F10: variants seen among roughly 807,000 people sequenced by gnomAD.
F10 encodes Stuart-Prower factor.
Under a neutral mutation model 37.1 loss-of-function variants are expected in F10, and 29 were observed. The ratio of observed to expected loss-of-function variants is 0.78; its 90% CI spans 0.58 to 1.07. The LOEUF is 1.07. F10 is among the 50% of genes least tolerant of loss of function. The pLI is 0.00. For synonymous variants in F10, 262 were observed against 268.6 expected (o/e 0.98, Z 0.24); for missense variants, 539 against 667.9 (o/e 0.81, Z 2.13).
rs369737152 is a variant in F10, at chr13:113,148,582, G to A, written c.866-334G>A. ...TACACTCTCAGCCAGCGGCCACACCGCACAACCTGGGTCTGGGATGCCAAA... is the reference window on the plus strand; with the variant it reads ...TACACTCTCAGCCAGCGGCCACACCACACAACCTGGGTCTGGGATGCCAAA... On this transcript the variant is annotated intron_variant, in intron 7 of 7. Coordinates refer to ENST00000375559, the MANE Select transcript of F10 (RefSeq NM_000504.4). Among the ~76,000 whole-genome samples, 220 of 151,984 alleles carry A rather than the reference G, an allele frequency of 1.4e-3. 1 individual carries two copies. Among genetic ancestry groups the A allele is most frequent in the African/African-American group, 2.7e-3 (112 of 41,462 alleles).
intron 2 of F10, chr13:113,130,274 A>T (rs776906): frequency 1.3e-5 from 2 of 155,498 alleles, no homozygotes; most frequent in African/African-American, 4.8e-5. Context: ...GGAGGAGAGC[A>T]ATGCCACCAG....
chr13:113,126,945 TC>T (rs1397452879), intron 1 of F10, among the ~76,000 whole-genome samples: 1 of 152,166 alleles, frequency 6.6e-6, no homozygotes, highest in Non-Finnish European at 1.5e-5. Context: ...GGGCTGCATT[TC>T]AGAGCAAGTG....
chr13:113,140,327 C>T (rs979155874), intron 4 of F10, among the ~76,000 whole-genome samples: 2 of 152,008 alleles, frequency 1.3e-5, no homozygotes, highest in African/African-American at 4.8e-5. Flanking sequence ...GTGATCCGCC[C>T]GCTTCGACCT....
intron 4 of F10, chr13:113,140,523 G>A (rs1483937607): frequency 6.2e-6 from 3 of 480,496 alleles, no homozygotes; most frequent in Non-Finnish European, 1.3e-5. Flanking sequence ...GCATAACCCT[G>A]TTCAGGCTCC....
At chr13:113,135,031 G>A (rs757418512) in intron 2 of F10, among the ~76,000 whole-genome samples, 12 of 151,840 alleles carry the variant, frequency 7.9e-5, no homozygotes, top group Admixed American at 2.6e-4. Context: ...ACCTAAGGTC[G>A]GGAGTTCGAG....
In F10 at chr13:113,141,143, C is replaced by T; in HGVS notation, c.502+93C>T. ...CAGGGGGTGGGGACACAGGCATGTT[C>T]TGGGCGGGCCTGGCAGGTAACAGTG... On this transcript the variant is annotated intron_variant, in intron 5 of 7. Coordinates refer to ENST00000375559, the MANE Select transcript of F10 (RefSeq NM_000504.4). The surrounding 1 kb of genome is among the most constrained non-coding windows in gnomAD (Gnocchi z 5.4). 2 of 1,556,006 alleles carry T rather than the reference C, an allele frequency of 1.3e-6. No homozygotes were observed. Among genetic ancestry groups the T allele is most frequent in the Admixed American group, 1.8e-5 (1 of 55,604 alleles).
chr13:113,131,932 A>T (rs1369160393), intron 2 of F10: 1 of 152,302 alleles, frequency 6.6e-6, no homozygotes, highest in Admixed American at 6.5e-5. Flanking sequence ...ATGTGTTACC[A>T]TGTTTCTCAC....
Position 113,143,711 on chromosome 13 carries a change from GCCC to G in F10, c.503-139_503-137del. The G allele has an allele frequency of 4.0e-4, 499 of 1,232,276 alleles. No homozygotes were observed. The highest frequency in any genetic ancestry group is 2.7e-3 in the Admixed American group (112 of 40,884). The allele number at this position is 1,232,276 out of a possible 1,614,324, so 76.3% of individuals were successfully genotyped here. A position where few individuals can be genotyped will look rare whatever the true frequency, so the allele number is the denominator to read the frequency against. On this transcript the variant is annotated intron_variant, in intron 5 of 7. Transcript: ENST00000375559. The surrounding 1 kb of genome is among the most constrained non-coding windows in gnomAD (Gnocchi z 6.8). ...ACCCCTGCCGACGACGTGGGGCCTC[GCCC>G]TGCAAGCCCGCTGCCCCTCCGGGTG...
rs1455872288 is a variant in F10, at chr13:113,139,517, A to G, written c.370+47A>G. ...ACCTTCAGATCAGATGCCCCTGAAG[A>G]GTGGCAGGTGGGCGGGGGAAGAAGT... On this transcript the variant is annotated intron_variant, in intron 4 of 7. Transcript: ENST00000375559. The surrounding 1 kb of genome is among the most constrained non-coding windows in gnomAD (Gnocchi z 5.2). 2 of 1,452,544 alleles carry G rather than the reference A, an allele frequency of 1.4e-6. No individual in the cohort carries two copies. The highest frequency in any genetic ancestry group is 1.9e-6 in the Non-Finnish European group (2 of 1,033,586). The allele number at this position is 1,452,544 out of a possible 1,614,324, so 90.0% of individuals were successfully genotyped here.
chr13:113,144,260 C>T lies in F10; in HGVS notation c.747+165C>T, dbSNP rs533848843. The stretch of plus-strand genomic sequence containing the variant: ...AGCCTGCCTGCCTGTCCCCTCCCTC[C>T]GGGCAGCCAAGGAGGCTGTGAGCTC... On this transcript the variant is annotated intron_variant, in intron 6 of 7. Coordinates refer to ENST00000375559, the MANE Select transcript of F10 (RefSeq NM_000504.4). This position sits in a 1 kb window ranked among gnomAD's most constrained non-coding sequence, Gnocchi z 6.4. 5.2e-5 allele frequency: 57 copies of T among 1,101,572 alleles called. No individual in the cohort carries two copies. The highest frequency in any genetic ancestry group is 6.9e-5 in the Non-Finnish European group (53 of 766,574). The allele number at this position is 1,101,572 out of a possible 1,614,324, so 68.2% of individuals were successfully genotyped here.
chr13:113,124,153 G>A (rs1051408312), intron 1 of F10, among the ~76,000 whole-genome samples: 5 of 150,966 alleles, frequency 3.3e-5, no homozygotes, highest in African/African-American at 9.9e-5. Flanking sequence ...CGGGGCTCCC[G>A]AGGCCCTAAG....
intron 1 of F10, among the ~76,000 whole-genome samples, chr13:113,127,192 CT>C (rs1270293594): frequency 2.0e-5 from 3 of 152,154 alleles, no homozygotes; most frequent in Non-Finnish European, 4.4e-5. Flanking sequence ...TTATAATTCC[CT>C]TCTGCCAATA....
At chr13:113,123,641 T>C (rs1269838611) in intron 1 of F10, among the ~76,000 whole-genome samples, 2 of 152,020 alleles carry the variant, frequency 1.3e-5, no homozygotes, top group Non-Finnish European at 2.9e-5. Context: ...GACCCAGGCC[T>C]GGGAAGGGAA....
At chr13:113,123,538 G>T (rs1019916360) in intron 1 of F10, among the ~76,000 whole-genome samples, 1 of 152,206 alleles carries the variant, frequency 6.6e-6, no homozygotes, top group African/African-American at 2.4e-5. Context: ...GGACAGCGGA[G>T]GAAGAGGAGG....
In F10 at chr13:113,149,086, C is replaced by A; in HGVS notation, c.1036C>A (p.Arg346Ser). Residue 346 changes from arginine (R) to serine (S), a missense_variant, in exon 8 of 8, where the codon CGT becomes AGT. Coordinates refer to ENST00000375559, the MANE Select transcript of F10 (RefSeq NM_000504.4). This position sits in a 1 kb window ranked among gnomAD's most constrained non-coding sequence, Gnocchi z 7.5. ...CGTGGCGCCTGCCTGCCTCCCCGAGCGTGACTGGGCCGAGTCCACGCTGAT... is the reference window on the plus strand; with the variant it reads ...CGTGGCGCCTGCCTGCCTCCCCGAGAGTGACTGGGCCGAGTCCACGCTGAT... ...MNVAPACLPE[R>S]DWAESTLMTQ... 1 of 1,613,240 alleles carries A rather than the reference C, an allele frequency of 6.2e-7. No individual in the cohort carries two copies. Among genetic ancestry groups the A allele is most frequent in the Non-Finnish European group, 8.5e-7 (1 of 1,179,994 alleles).
At chr13:113,130,021 C>A (rs1336914552) in intron 2 of F10, 52 of 330,762 alleles carry the variant, frequency 1.6e-4, no homozygotes, top group Non-Finnish European at 2.9e-5. Flanking sequence ...CCTCCGTAGT[C>A]GCTGAGAGCC....
At position 113,146,256 on chromosome 13, in the gene F10, A is replaced by G. The variant is rs1424085633; in HGVS notation, c.748-1123A>G. ...CTGTGACCAATACACAGAAATCTCA[A>G]CCTAGTTAGGGAGCTGAGACCGAAA... On this transcript the variant is annotated intron_variant, in intron 6 of 7. Coordinates refer to ENST00000375559, the MANE Select transcript of F10 (RefSeq NM_000504.4). This position sits in a 1 kb window ranked among gnomAD's most constrained non-coding sequence, Gnocchi z 4.5. Among the ~76,000 whole-genome samples the G allele has an allele frequency of 1.3e-5, 2 of 152,028 alleles. No individual in the cohort carries two copies. Among genetic ancestry groups the G allele is most frequent in the Admixed American group, 6.5e-5 (1 of 15,274 alleles).
chr13:113,123,585 A>T (rs1342665833), intron 1 of F10, among the ~76,000 whole-genome samples: 2 of 152,108 alleles, frequency 1.3e-5, no homozygotes, highest in Non-Finnish European at 2.9e-5. Context: ...GGGACCCTAG[A>T]CTTGTTTGCA....
chr13:113,137,380 G>T (rs930647008), intron 2 of F10, among the ~76,000 whole-genome samples: 2 of 152,082 alleles, frequency 1.3e-5, no homozygotes, highest in African/African-American at 2.4e-5. Flanking sequence ...GGGGTATTTG[G>T]GGGGGAAGGA....
Sources: allele counts gnomAD v4.1 joint callset (sites outside exome capture counted in the v4.1 genomes callset), GRCh38; gene constraint gnomAD v4.1.1; non-coding constraint Gnocchi (gnomAD v3.1); transcripts MANE v1.5; gene names NCBI Gene and HGNC (gene_info 2026-07-23, HGNC 2026-07-21).